The following GRM5 variants were observed in gnomAD, a reference collection of about 807,000 sequenced individuals.
GRM5 encodes the protein metabotropic glutamate receptor 5.
Under a neutral mutation model 83.1 loss-of-function variants are expected in GRM5, and 19 were observed. The ratio of observed to expected loss-of-function variants is 0.23; its 90% CI spans 0.16 to 0.34. The LOEUF is 0.34. Among genes scored for constraint, GRM5 ranks in the 10% least tolerant of loss-of-function variants. The pLI is 1.00. For synonymous variants in GRM5, 675 were observed against 633.6 expected, an observed-to-expected ratio of 1.07 and a Z score of -0.98; for missense variants, 1,160 against 1,588.3, an observed-to-expected ratio of 0.73 and a Z score of 4.58.
chr11:88,919,198 A>T (rs1945645185), intron 2 of GRM5, among the ~76,000 whole-genome samples: 3 of 130,444 alleles, frequency 2.3e-5, no homozygotes, highest in African/African-American at 7.9e-5. Flanking sequence ...ATGGAAAAAG[A>T]TATCCCACAC....
At chr11:88,612,622 AG>A (rs1425793565) in intron 4 of GRM5, among the ~76,000 whole-genome samples, 1 of 151,974 alleles carries the variant, frequency 6.6e-6, no homozygotes, top group Non-Finnish European at 1.5e-5. Context: ...CATCCTCTCC[AG>A]CACCTGTTGT....
At chr11:88,601,190 C>T (rs1294921572) in intron 5 of GRM5, among the ~76,000 whole-genome samples, 1 of 152,140 alleles carries the variant, frequency 6.6e-6, no homozygotes, top group Non-Finnish European at 1.5e-5. Context: ...TTCTATGACA[C>T]AGATTTTTTA....
chr11:88,664,747 T>C (rs1939996810), intron 3 of GRM5, among the ~76,000 whole-genome samples: 1 of 152,090 alleles, frequency 6.6e-6, no homozygotes, highest in Non-Finnish European at 1.5e-5. Flanking sequence ...GTGCCCAGCC[T>C]CACATAGCAT....
intron 3 of GRM5, among the ~76,000 whole-genome samples, chr11:88,771,800 G>C (rs1942742871): frequency 6.6e-6 from 1 of 152,128 alleles, no homozygotes; most frequent in African/African-American, 2.4e-5. Context: ...AGTACCAAAA[G>C]AGAAAGCAAA....
At chr11:88,702,754 G>T (rs1941064048) in intron 3 of GRM5, among the ~76,000 whole-genome samples, 1 of 151,918 alleles carries the variant, frequency 6.6e-6, no homozygotes, top group African/African-American at 2.4e-5. Context: ...GTTTTTGTGT[G>T]GTCATAATCC....
Position 88,785,025 on chromosome 11 carries a change from G to A in GRM5, c.911+64881C>T, listed in dbSNP as rs952347682. Among the ~76,000 whole-genome samples, 136 of 152,078 alleles carry A rather than the reference G, an allele frequency of 8.9e-4. 1 individual carries two copies. The highest frequency in any genetic ancestry group is 1.1e-3 in the Non-Finnish European group (75 of 67,920). On this transcript the variant is annotated intron_variant, in intron 3 of 9. Transcript: ENST00000305447. ...GGTATAAAATTTTATATTCAGTTTA[G>A]CACACTATGTTAACGAACACACTAA...
At chr11:88,729,077 A>C (rs947979814) in intron 3 of GRM5, among the ~76,000 whole-genome samples, 6 of 152,272 alleles carry the variant, frequency 3.9e-5, no homozygotes, top group African/African-American at 1.4e-4. Context: ...GAGAGGAAGT[A>C]AAATTGTCTC....
intron 2 of GRM5, among the ~76,000 whole-genome samples, chr11:88,987,195 G>T (rs1396986049): frequency 6.6e-6 from 1 of 152,094 alleles, no homozygotes; most frequent in Non-Finnish European, 1.5e-5. Context: ...TGCCTCACTC[G>T]GGAAGTGCAA....
chr11:88,543,527 A>T (rs1942318208), intron 8 of GRM5, among the ~76,000 whole-genome samples: 1 of 151,994 alleles, frequency 6.6e-6, no homozygotes, highest in Non-Finnish European at 1.5e-5. Context: ...GCTGAATGAG[A>T]GAATAAATAA....
At chr11:88,516,938 A>G (rs1359515738) in intron 9 of GRM5, among the ~76,000 whole-genome samples, 1 of 152,004 alleles carries the variant, frequency 6.6e-6, no homozygotes, top group Non-Finnish European at 1.5e-5. Flanking sequence ...CTTAAAAATT[A>G]ATTGGGTAGG....
At chr11:88,593,633 G>A (rs1354193591) in intron 6 of GRM5, among the ~76,000 whole-genome samples, 1 of 150,152 alleles carries the variant, frequency 6.7e-6, no homozygotes, top group Admixed American at 6.6e-5. Flanking sequence ...AGCCGAGATC[G>A]CGCCACTGCA....
At chr11:88,996,725 G>A (rs1045004758) in intron 2 of GRM5, among the ~76,000 whole-genome samples, 4 of 152,124 alleles carry the variant, frequency 2.6e-5, no homozygotes, top group African/African-American at 9.7e-5. Context: ...TTTTTCACGT[G>A]CCTTTGGAAC....
At chr11:89,048,834 T>A (rs1233831565) in intron 1 of GRM5, among the ~76,000 whole-genome samples, 1 of 152,128 alleles carries the variant, frequency 6.6e-6, no homozygotes, top group Non-Finnish European at 1.5e-5. Context: ...CACATTTCAA[T>A]CCCTGTTCTT....
chr11:88,995,603 G>T (rs2135058258), intron 2 of GRM5, among the ~76,000 whole-genome samples: 1 of 146,044 alleles, frequency 6.8e-6, no homozygotes, highest in African/African-American at 2.5e-5. Flanking sequence ...AGGTACTGAA[G>T]TGGTGTGCAC....
chr11:88,669,624 A>C (rs1012086575), intron 3 of GRM5, among the ~76,000 whole-genome samples: 9 of 152,086 alleles, frequency 5.9e-5, no homozygotes, highest in African/African-American at 1.9e-4. Context: ...GGTGCATACT[A>C]GTTTGGCATA....
intron 2 of GRM5, among the ~76,000 whole-genome samples, chr11:88,960,048 A>G (rs1413364094): frequency 6.6e-6 from 1 of 152,186 alleles, no homozygotes; most frequent in African/African-American, 2.4e-5. Context: ...GACTCCGGGT[A>G]AAGCATGTTC....
At chr11:88,798,689 G>A (rs913068084) in intron 3 of GRM5, among the ~76,000 whole-genome samples, 2 of 151,126 alleles carry the variant, frequency 1.3e-5, no homozygotes, top group African/African-American at 2.4e-5. Flanking sequence ...TATTTATCAC[G>A]GTCATAATTG....
chr11:88,882,501 C>T (rs893953158), intron 2 of GRM5, among the ~76,000 whole-genome samples: 2 of 148,904 alleles, frequency 1.3e-5, no homozygotes, highest in African/African-American at 4.9e-5. Context: ...GTGGAGCTCG[C>T]AGTGAGCCGA....
In GRM5 at chr11:88,546,576, T is replaced by C. The variant is rs1348575948; in HGVS notation, c.2630+20477A>G. On this transcript the variant is annotated intron_variant, in intron 8 of 9. Transcript: ENST00000305447. ...TAAATGGAGTTTTCTTTTAGGAAGATGTATACACATATATATGTTCATAGC... is the reference window on the plus strand; with the variant it reads ...TAAATGGAGTTTTCTTTTAGGAAGACGTATACACATATATATGTTCATAGC... 3.9e-5 allele frequency among the ~76,000 whole-genome samples: 6 copies of C among 152,122 alleles called. 1 individual carries two copies. The East Asian group carries it at 1.2e-3, about 29-fold the overall frequency.
Sources: allele counts gnomAD v4.1 joint callset (sites outside exome capture counted in the v4.1 genomes callset), GRCh38; gene constraint gnomAD v4.1.1; transcripts MANE v1.5; gene names NCBI Gene and HGNC (gene_info 2026-07-23, HGNC 2026-07-21).